PCDH15: variants seen among roughly 807,000 people sequenced by gnomAD.
PCDH15 encodes the protein protocadherin related 15, also known as protocadherin-15.
A neutral mutation model predicts 178.5 loss-of-function variants in PCDH15; 129 were observed. That is an observed-to-expected ratio of 0.72 (90% CI 0.63 to 0.84). PCDH15 has a LOEUF of 0.84. PCDH15 is among the 40% of genes least tolerant of loss of function. The pLI is 0.00. For synonymous variants in PCDH15, 800 were observed against 732.0 expected (o/e 1.09, Z -1.50); for missense variants, 2,230 against 2,099.9 (o/e 1.06, Z -1.21).
At chr10:53,929,199 T>C (rs2084828398) in intron 25 of PCDH15, among the ~76,000 whole-genome samples, 1 of 152,098 alleles carries the variant, frequency 6.6e-6, no homozygotes, top group African/African-American at 2.4e-5. Context: ...GTATTAATAA[T>C]AGTGTATACC....
At chr10:55,013,594 TATAA>T (rs1340455931) in intron 2 of PCDH15, among the ~76,000 whole-genome samples, 1 of 152,180 alleles carries the variant, frequency 6.6e-6, no homozygotes, top group Non-Finnish European at 1.5e-5. Context: ...TCAGTGATCC[TATAA>T]ATAATTTCAA....
intron 3 of PCDH15, among the ~76,000 whole-genome samples, chr10:54,485,620 T>C (rs2079046847): frequency 6.6e-6 from 1 of 152,010 alleles, no homozygotes; most frequent in African/African-American, 2.4e-5. Flanking sequence ...TCAACTGTGA[T>C]ATATTCATGA....
At chr10:54,085,315 T>C (rs915589410) in intron 16 of PCDH15, among the ~76,000 whole-genome samples, 3 of 152,076 alleles carry the variant, frequency 2.0e-5, no homozygotes, top group African/African-American at 7.2e-5. Context: ...GGACCAGAGA[T>C]GGAGATAATT....
At chr10:55,626,955 TGAGA>T (rs1054425641) in intron 2 of PCDH15, among the ~76,000 whole-genome samples, 5 of 148,102 alleles carry the variant, frequency 3.4e-5, no homozygotes, top group African/African-American at 1.3e-4. Context: ...AGAAAGAAAA[TGAGA>T]GAGAGAGAAA....
In PCDH15 at chr10:55,169,124, C is replaced by T. The variant is rs183274537; in HGVS notation, c.-155-2473G>A. On this transcript the variant is annotated intron_variant, in intron 1 of 5. Transcript: ENST00000458638. ...AATACCGAAAATAAACATTTTTAAC[C>T]GCTCTTAACTACTTCAATATTAGCT... is the stretch of plus-strand genomic sequence containing the variant. 4.6e-5 allele frequency among the ~76,000 whole-genome samples: 7 copies of T among 151,928 alleles called. No homozygotes were observed. In the East Asian group the frequency reaches 5.8e-4, roughly 13 times the overall value.
At chr10:55,280,345 C>G (rs1842699057) in intron 1 of PCDH15, among the ~76,000 whole-genome samples, 2 of 122,474 alleles carry the variant, frequency 1.6e-5, no homozygotes, top group African/African-American at 6.4e-5. Context: ...GTAGTGTGAT[C>G]TCAGCTCACT....
chr10:54,416,324 GTCCACGTGT>G (rs1162949480), intron 3 of PCDH15, among the ~76,000 whole-genome samples: 2 of 151,868 alleles, frequency 1.3e-5, no homozygotes, highest in African/African-American at 4.8e-5. Context: ...CCATCCCTGT[GTCCACGTGT>G]TCTCATTGTT....
At chr10:54,806,014 A>T (rs1952771856), upstream of PCDH15, among the ~76,000 whole-genome samples, 1 of 152,164 alleles carries the variant, frequency 6.6e-6, no homozygotes, top group African/African-American at 2.4e-5. Context: ...ATTTCATATA[A>T]TCTAAAATTA....
At chr10:53,893,431 G>A (rs996077082) in intron 26 of PCDH15, among the ~76,000 whole-genome samples, 7 of 152,164 alleles carry the variant, frequency 4.6e-5, no homozygotes, top group Admixed American at 3.3e-4. Context: ...TAAAAGACAT[G>A]AGTATATGTA....
chr10:54,137,249 A>G (rs2042986444), intron 14 of PCDH15, among the ~76,000 whole-genome samples: 1 of 152,166 alleles, frequency 6.6e-6, no homozygotes, highest in Admixed American at 6.6e-5. Flanking sequence ...GCATCTATAT[A>G]AGAAAAATTT....
intron 14 of PCDH15, among the ~76,000 whole-genome samples, chr10:54,147,016 T>TAATGTATACATATAGTGTATATATAAC (rs1491305720): frequency 1.3e-5 from 1 of 79,236 alleles, no homozygotes; most frequent in African/African-American, 5.8e-5. Flanking sequence ...GTATATATAA[T>TAATGTATACATATAGTGTATATATAAC]GTGTATATAT....
chr10:54,369,835 T>C (rs544795265), intron 4 of PCDH15, among the ~76,000 whole-genome samples: 1 of 152,128 alleles, frequency 6.6e-6, no homozygotes, highest in African/African-American at 2.4e-5. Context: ...GTACATATTA[T>C]AGACACACAG....
chr10:55,233,276 A>T (rs1401960544), intron 1 of PCDH15, among the ~76,000 whole-genome samples: 1 of 152,096 alleles, frequency 6.6e-6, no homozygotes, highest in Non-Finnish European at 1.5e-5. Context: ...TTGCTTTATC[A>T]ATAGCTTTGC....
chr10:54,872,442 A>T (rs1043371110), intron 3 of PCDH15, among the ~76,000 whole-genome samples: 2 of 152,210 alleles, frequency 1.3e-5, no homozygotes, highest in Non-Finnish European at 2.9e-5. Context: ...AAAATAATAA[A>T]CCTACCAAAT....
At chr10:54,215,546 A>T (rs997324998) in intron 9 of PCDH15, among the ~76,000 whole-genome samples, 2 of 152,168 alleles carry the variant, frequency 1.3e-5, no homozygotes, top group African/African-American at 4.8e-5. Flanking sequence ...TCATAATAAT[A>T]AAAAAATGAG....
At chr10:54,474,112 A>C (rs1489979879) in intron 3 of PCDH15, among the ~76,000 whole-genome samples, 1 of 151,948 alleles carries the variant, frequency 6.6e-6, no homozygotes, top group African/African-American at 2.4e-5. Context: ...ATTGCAAAAA[A>C]ATTTGCAATA....
intron 3 of PCDH15, among the ~76,000 whole-genome samples, chr10:54,855,990 A>G (rs1176989712): frequency 6.6e-6 from 1 of 152,208 alleles, no homozygotes; most frequent in Non-Finnish European, 1.5e-5. Context: ...TAGGCAAATA[A>G]ACTGTTTGAG....
intron 2 of PCDH15, among the ~76,000 whole-genome samples, chr10:54,980,188 A>T (rs1465532020): frequency 6.6e-6 from 1 of 152,196 alleles, no homozygotes; most frequent in Non-Finnish European, 1.5e-5. Context: ...TTGGCATTCC[A>T]ATAATGGAAT....
intron 2 of PCDH15, among the ~76,000 whole-genome samples, chr10:55,166,260 G>A (rs1272493484): frequency 6.6e-6 from 1 of 152,116 alleles, no homozygotes; most frequent in Non-Finnish European, 1.5e-5. Context: ...CTCTCCAAGA[G>A]AATGAAACAA....
Sources: gnomAD v4.1 joint callset for allele counts (sites outside exome capture counted in the v4.1 genomes callset) on GRCh38, gnomAD v4.1.1 for gene constraint, MANE v1.5 for transcripts, NCBI Gene and HGNC (gene_info 2026-07-23, HGNC 2026-07-21) for gene names.